The following ANTXR2 variants were observed in gnomAD, a reference collection of about 807,000 sequenced individuals.
ANTXR2 encodes anthrax toxin receptor 2.
ANTXR2 carries 44 observed loss-of-function variants against 73.7 expected under a neutral mutation model. The ratio of observed to expected loss-of-function variants is 0.60; its 90% CI spans 0.47 to 0.77. The LOEUF (loss-of-function observed/expected upper bound fraction) is 0.77. Ranked by LOEUF, ANTXR2 falls within the 30% of genes least tolerant of loss-of-function variation. ANTXR2 has a pLI of 0.00. For missense variants in ANTXR2, 604 were observed against 592.5 expected, an observed-to-expected ratio of 1.02 and a Z score of -0.20; for synonymous variants, 217 against 205.9, an observed-to-expected ratio of 1.05 and a Z score of -0.46.
intron 11 of ANTXR2, among the ~76,000 whole-genome samples, chr4:80,015,942 GGAAAGGAAAGGAAA>G (rs1731841290): frequency 1.3e-5 from 1 of 79,182 alleles, no homozygotes; most frequent in African/African-American, 6.5e-5. Flanking sequence ...GGAAAGGAAA[GGAAAGGAAAGGAAA>G]GGAAAGGAAA....
intron 12 of ANTXR2, among the ~76,000 whole-genome samples, chr4:80,001,836 T>C (rs1297960273): frequency 1.3e-5 from 2 of 150,844 alleles, no homozygotes; most frequent in East Asian, 3.9e-4. Context: ...TCTTTGTTGG[T>C]TTAAATTCTG....
chr4:79,915,981 A>T (rs1727341019), intron 16 of ANTXR2, among the ~76,000 whole-genome samples: 1 of 151,826 alleles, frequency 6.6e-6, no homozygotes, highest in South Asian at 2.1e-4. Flanking sequence ...CAACCTATAA[A>T]TGTCCAATTT....
At chr4:79,965,983 T>C (rs1188613194) in intron 16 of ANTXR2, among the ~76,000 whole-genome samples, 1 of 152,198 alleles carries the variant, frequency 6.6e-6, no homozygotes, top group Non-Finnish European at 1.5e-5. Context: ...CAGATTTTGA[T>C]TGACATTAGG....
At chr4:79,962,938 G>A (rs1386377152) in intron 16 of ANTXR2, among the ~76,000 whole-genome samples, 1 of 152,076 alleles carries the variant, frequency 6.6e-6, no homozygotes, top group African/African-American at 2.4e-5. Context: ...TCTAGGTACT[G>A]AAGACACTTG....
intron 14 of ANTXR2, among the ~76,000 whole-genome samples, chr4:79,983,286 GATA>G (rs1210256137): frequency 1.3e-5 from 2 of 151,928 alleles, no homozygotes; most frequent in African/African-American, 2.4e-5. Context: ...AGTTCATGGT[GATA>G]ATAAAATCTT....
intron 11 of ANTXR2, among the ~76,000 whole-genome samples, chr4:80,015,425 A>C (rs1428163884): frequency 1.3e-5 from 2 of 152,192 alleles, no homozygotes; most frequent in African/African-American, 4.8e-5. Flanking sequence ...TCAATTTAGA[A>C]ACTAAAGTTT....
Position 79,931,449 on chromosome 4 carries a change from TTCTCTCTCTCTC to T in ANTXR2, c.1429-23994_1429-23983del, listed in dbSNP as rs142694925. Among the ~76,000 whole-genome samples, 48 of 134,170 alleles carry T rather than the reference TTCTCTCTCTCTC, an allele frequency of 3.6e-4. No homozygotes were observed. In the South Asian group the frequency reaches 4.8e-3, roughly 13 times the overall value. The allele number at this position is 134,170 out of a possible 152,430, so 88.0% of individuals were successfully genotyped here. ...AAATGTTCTAGGATTTCCTCGCTTC[TTCTCTCTCTCTC>T]TCTCTCTCTCTCTCTCTCTCTCTTT... On this transcript the variant is annotated intron_variant, in intron 16 of 16. Coordinates refer to ENST00000403729, the MANE Select transcript of ANTXR2 (RefSeq NM_058172.6).
At position 79,977,160 on chromosome 4, in the gene ANTXR2, T is replaced by C. The variant is rs138745996; in HGVS notation, c.1428+461A>G. ...ATGCTTTATAACTTTAAAGACACTT[T>C]TACGTAATAGTCAAGAAATTCGATT... On this transcript the variant is annotated intron_variant, in intron 16 of 16. Transcript: ENST00000403729. Among the ~76,000 whole-genome samples the C allele has an allele frequency of 2.5e-4, 38 of 152,342 alleles. 1 individual carries two copies. Among genetic ancestry groups the C allele is most frequent in the African/African-American group, 8.4e-4 (35 of 41,584 alleles).
At chr4:80,009,991 G>T (rs775349700) in intron 11 of ANTXR2, among the ~76,000 whole-genome samples, 12 of 151,410 alleles carry the variant, frequency 7.9e-5, no homozygotes, top group Non-Finnish European at 1.5e-4. Context: ...GGAACAAGGG[G>T]TATCTCCCAA....
chr4:80,055,257 G>A (rs1489665690), intron 5 of ANTXR2, 39 bp from the exon 6 acceptor site: 1 of 1,549,700 alleles, frequency 6.5e-7, no homozygotes, highest in Non-Finnish European at 8.8e-7. Flanking sequence ...AAAAAAGAGA[G>A]GGGAGAGGGA....
At chr4:80,052,176 C>G (rs771998797) in intron 7 of ANTXR2, among the ~76,000 whole-genome samples, 1 of 151,440 alleles carries the variant, frequency 6.6e-6, no homozygotes, top group Non-Finnish European at 1.5e-5. Flanking sequence ...ATAATTTCAC[C>G]CATTAGTTTG....
chr4:79,987,282 A>G (rs1465456690), intron 12 of ANTXR2, among the ~76,000 whole-genome samples: 3 of 131,830 alleles, frequency 2.3e-5, no homozygotes, highest in Non-Finnish European at 5.4e-5. Flanking sequence ...AAGAAAAAAA[A>G]AAAAAAAATT....
At chr4:80,040,500 G>C (rs1733184433) in intron 7 of ANTXR2, among the ~76,000 whole-genome samples, 1 of 152,052 alleles carries the variant, frequency 6.6e-6, no homozygotes, top group Non-Finnish European at 1.5e-5. Flanking sequence ...TGGTACAAGA[G>C]AGAAAATTGT....
At chr4:80,055,876 T>C in intron 4 of ANTXR2, 56 bp downstream of exon 4, 3 of 1,276,086 alleles carry the variant, frequency 2.4e-6, no homozygotes, top group South Asian at 1.5e-5. Flanking sequence ...GGGTTTTATT[T>C]CACCACAGAA....
At chr4:79,915,881 TAAAG>T (rs1481649327) in intron 16 of ANTXR2, among the ~76,000 whole-genome samples, 5 of 148,932 alleles carry the variant, frequency 3.4e-5, no homozygotes, top group Non-Finnish European at 7.4e-5. Flanking sequence ...TATATATACA[TAAAG>T]AATCTGTGCT....
At chr4:80,072,278 A>T in intron 1 of ANTXR2, 131 bp downstream of exon 1, 1 of 1,044,722 alleles carries the variant, frequency 9.6e-7, no homozygotes, top group Non-Finnish European at 1.3e-6. Context: ...TTGAAAGAAG[A>T]CAGCAACAGG....
chr4:79,928,713 A>G (rs562323488), intron 16 of ANTXR2, among the ~76,000 whole-genome samples: 1 of 152,264 alleles, frequency 6.6e-6, no homozygotes, highest in South Asian at 2.1e-4. Flanking sequence ...AATTCTTTTA[A>G]AAGTTATGAC....
chr4:79,978,704 T>C (rs1729753570), intron 14 of ANTXR2, among the ~76,000 whole-genome samples: 1 of 152,236 alleles, frequency 6.6e-6, no homozygotes, highest in African/African-American at 2.4e-5. Context: ...TTAAGTGATA[T>C]GCCCAAAGCC....
At chr4:79,966,429 CATAG>C (rs1330086927) in intron 16 of ANTXR2, among the ~76,000 whole-genome samples, 2 of 152,118 alleles carry the variant, frequency 1.3e-5, no homozygotes, top group African/African-American at 2.4e-5. Context: ...TCTTCTCGTG[CATAG>C]ATAAAGCATT....
Sources: allele counts gnomAD v4.1 joint callset (sites outside exome capture counted in the v4.1 genomes callset), GRCh38; gene constraint gnomAD v4.1.1; transcripts MANE v1.5; gene names NCBI Gene and HGNC (gene_info 2026-07-23, HGNC 2026-07-21).